The following DIP2C variants were observed in gnomAD, a reference collection of about 807,000 sequenced individuals.
DIP2C encodes disco-interacting protein 2 homolog C.
Under a neutral mutation model 192.4 loss-of-function variants are expected in DIP2C, and 33 were observed. The observed-to-expected ratio is 0.17, with a 90% CI of 0.13 to 0.23. The LOEUF (loss-of-function observed/expected upper bound fraction) is 0.23. Among genes scored for constraint, DIP2C ranks in the 10% least tolerant of loss-of-function variants. The pLI, the probability that DIP2C is intolerant of heterozygous loss-of-function variation, is 1.00. For synonymous variants in DIP2C, 979 were observed against 864.1 expected (o/e 1.13, Z -2.33); for missense variants, 1,537 against 2,110.1 (o/e 0.73, Z 5.32).
chr10:607,821 CTAAAA>C (rs1212442034), intron 1 of DIP2C, among the ~76,000 whole-genome samples: 2 of 151,990 alleles, frequency 1.3e-5, no homozygotes, highest in Non-Finnish European at 2.9e-5. Context: ...AAATGTTAAA[CTAAAA>C]TTAGTTTAAC....
chr10:420,214 T>A (rs1365550153), intron 5 of DIP2C, among the ~76,000 whole-genome samples: 2 of 152,168 alleles, frequency 1.3e-5, no homozygotes, highest in Non-Finnish European at 2.9e-5. Flanking sequence ...CGAAATCAAC[T>A]GAACGCACAA....
At chr10:349,067 G>T (rs917486386) in intron 25 of DIP2C, among the ~76,000 whole-genome samples, 3 of 152,246 alleles carry the variant, frequency 2.0e-5, no homozygotes, top group African/African-American at 7.2e-5. Flanking sequence ...TGAATTACCT[G>T]AGGTATCTAA....
intron 17 of DIP2C, 26 bp from the exon 18 acceptor site, chr10:369,659 T>C (rs770596960): frequency 6.2e-7 from 1 of 1,614,054 alleles, no homozygotes; most frequent in South Asian, 1.1e-5. Context: ...TTAACTTGAA[T>C]ATGCAGGAGC....
intron 1 of DIP2C, among the ~76,000 whole-genome samples, chr10:543,734 T>C (rs920810666): frequency 6.6e-6 from 1 of 152,254 alleles, no homozygotes; most frequent in Non-Finnish European, 1.5e-5. Flanking sequence ...ATAAGTTCTT[T>C]AGTTTCTTTT....
rs145074714 is a variant in DIP2C at position 481,326 on chromosome 10, C to A, written c.157+5133G>T. Among the ~76,000 whole-genome samples, 16 of 152,308 alleles carry A rather than the reference C, an allele frequency of 1.1e-4. No individual in the cohort carries two copies. The East Asian group carries it at 3.1e-3, about 29-fold the overall frequency. On this transcript the variant is annotated intron_variant, in intron 2 of 36. Transcript: ENST00000280886. Reference sequence around the variant, plus strand: ...ACCAAAGTGCAAAATTCACAAATGCCAACTGCAGGGACCTCCTCCCTCACA... The same window carrying A: ...ACCAAAGTGCAAAATTCACAAATGCAAACTGCAGGGACCTCCTCCCTCACA...
At chr10:337,989 G>A (rs1957950808) in intron 29 of DIP2C, among the ~76,000 whole-genome samples, 1 of 151,262 alleles carries the variant, frequency 6.6e-6, no homozygotes, top group Non-Finnish European at 1.5e-5. Flanking sequence ...TGTTGTAGAG[G>A]CCTAGGAAGC....
intron 3 of DIP2C, among the ~76,000 whole-genome samples, chr10:459,069 G>T (rs944761155): frequency 2.0e-5 from 3 of 150,642 alleles, no homozygotes; most frequent in African/African-American, 7.3e-5. Context: ...TTTAAAGACT[G>T]TTGAAAACCT....
intron 3 of DIP2C, among the ~76,000 whole-genome samples, chr10:444,669 C>T (rs1424072688): frequency 3.3e-5 from 5 of 151,420 alleles, no homozygotes; most frequent in African/African-American, 1.2e-4. Context: ...GTAGATTCTC[C>T]ACCGTCACAT....
Position 580,850 on chromosome 10 carries a change from T to C in DIP2C, c.86-94320A>G, listed in dbSNP as rs114397875. ...GGGCGCAACCACTTTCTGTCAGAGC[T>C]CTGGCTTGACTGTGGAGTTCAGAGG... On this transcript the variant is annotated intron_variant, in intron 1 of 36. Transcript: ENST00000280886. Among the ~76,000 whole-genome samples, 1,424 of 152,332 alleles carry C rather than the reference T, an allele frequency of 9.3e-3. 29 individuals are homozygous for C. The highest frequency in any genetic ancestry group is 0.033 in the African/African-American group (1,362 of 41,566).
At chr10:312,352 G>A (rs977899552) in intron 31 of DIP2C, among the ~76,000 whole-genome samples, 2 of 152,202 alleles carry the variant, frequency 1.3e-5, no homozygotes, top group African/African-American at 4.8e-5. Flanking sequence ...TCACTTAGCT[G>A]TCTTTCCCAA....
chr10:551,920 C>G (rs976401460), intron 1 of DIP2C, among the ~76,000 whole-genome samples: 1 of 152,220 alleles, frequency 6.6e-6, no homozygotes, highest in Non-Finnish European at 1.5e-5. Context: ...GGTGTCACAC[C>G]CAGGACACCC....
At chr10:645,210 G>C (rs1661515557) in intron 1 of DIP2C, among the ~76,000 whole-genome samples, 1 of 152,180 alleles carries the variant, frequency 6.6e-6, no homozygotes, top group Admixed American at 6.5e-5. Flanking sequence ...GGGAGAGCTG[G>C]CATGAACGTT....
intron 24 of DIP2C, among the ~76,000 whole-genome samples, chr10:349,989 A>T (rs1272413876): frequency 2.6e-5 from 4 of 152,230 alleles, no homozygotes; most frequent in African/African-American, 9.6e-5. Flanking sequence ...TTTAATGTAC[A>T]AACAAATAGA....
chr10:282,086 A>G (rs570680780), intron 35 of DIP2C: 1 of 158,628 alleles, frequency 6.3e-6, no homozygotes, highest in East Asian at 1.8e-4. Context: ...TTCCGAGATC[A>G]GACGAGATTG....
chr10:566,058 C>T (rs1849451645), intron 1 of DIP2C, among the ~76,000 whole-genome samples: 1 of 152,090 alleles, frequency 6.6e-6, no homozygotes, highest in African/African-American at 2.4e-5. Flanking sequence ...CCAGAAAAAA[C>T]AAAACAAAAA....
intron 31 of DIP2C, among the ~76,000 whole-genome samples, chr10:310,751 T>C (rs1956533754): frequency 6.6e-6 from 1 of 152,148 alleles, no homozygotes; most frequent in Admixed American, 6.5e-5. Context: ...CATAAATTGC[T>C]TGAAAAATTA....
chr10:383,734 G>T (rs1393154562), intron 16 of DIP2C, among the ~76,000 whole-genome samples: 1 of 152,152 alleles, frequency 6.6e-6, no homozygotes, highest in Non-Finnish European at 1.5e-5. Flanking sequence ...GGTCAGCAAA[G>T]GAACTTTCTC....
Position 472,552 on chromosome 10 carries a change from G to A in DIP2C, c.158-3C>T, listed in dbSNP as rs747109196. 2.5e-6 allele frequency: 4 copies of A among 1,613,264 alleles called. No individual in the cohort carries two copies. The highest frequency in any genetic ancestry group is 1.1e-5 in the South Asian group (1 of 91,054). The stretch of plus-strand genomic sequence containing the variant: ...TTGCGGCAAAGCTTGGTCCACCCCT[G>A]GATTTCAATAAAAACAGCAGAGTGA... On this transcript the variant is annotated splice_region_variant and splice_polypyrimidine_tract_variant and intron_variant, in intron 2 of 36. Coordinates refer to ENST00000280886, the MANE Select transcript of DIP2C (RefSeq NM_014974.3).
intron 32 of DIP2C, among the ~76,000 whole-genome samples, chr10:303,822 C>A (rs984317581): frequency 6.6e-6 from 1 of 152,124 alleles, no homozygotes; most frequent in Non-Finnish European, 1.5e-5. Flanking sequence ...CGCGCCTGGC[C>A]GAAAGTTTTT....
Sources: gnomAD v4.1 joint callset for allele counts (sites outside exome capture counted in the v4.1 genomes callset) on GRCh38, gnomAD v4.1.1 for gene constraint, MANE v1.5 for transcripts, NCBI Gene and HGNC (gene_info 2026-07-23, HGNC 2026-07-21) for gene names.